The following RIPOR3 variants were observed in gnomAD, a reference collection of about 807,000 sequenced individuals.
RIPOR3 encodes family with sequence similarity 65 member C.
RIPOR3 carries 95 observed loss-of-function variants against 114.3 expected under a neutral mutation model. That is an observed-to-expected ratio of 0.83 (90% CI 0.70 to 0.99). RIPOR3 has a LOEUF of 0.99. Ranked by LOEUF, RIPOR3 falls within the 50% of genes least tolerant of loss-of-function variation. The pLI, the probability that RIPOR3 is intolerant of heterozygous loss-of-function variation, is 0.00. For missense variants in RIPOR3, 1,252 were observed against 1,266.9 expected, an observed-to-expected ratio of 0.99 and a Z score of 0.18; for synonymous variants, 575 against 543.8, an observed-to-expected ratio of 1.06 and a Z score of -0.80.
chr20:50,599,489 C>T (rs1014495498), intron 13 of RIPOR3, among the ~76,000 whole-genome samples: 2 of 152,178 alleles, frequency 1.3e-5, no homozygotes, highest in East Asian at 3.8e-4. Context: ...GCTCATCTAA[C>T]ACACATTTTC....
intron 1 of RIPOR3, among the ~76,000 whole-genome samples, chr20:50,647,670 G>T (rs2085458875): frequency 6.6e-6 from 1 of 151,314 alleles, no homozygotes; most frequent in South Asian, 2.1e-4. Context: ...TTTTAGTAGA[G>T]ACAGGGTTTC....
intron 1 of RIPOR3, among the ~76,000 whole-genome samples, chr20:50,660,716 T>C (rs1335863660): frequency 6.6e-6 from 1 of 151,430 alleles, no homozygotes; most frequent in Non-Finnish European, 1.5e-5. Flanking sequence ...AATCTTCCTT[T>C]AAATTAGTGT....
At chr20:50,666,793 T>C (rs770004771) in intron 1 of RIPOR3, among the ~76,000 whole-genome samples, 3 of 151,230 alleles carry the variant, frequency 2.0e-5, no homozygotes, top group Non-Finnish European at 4.4e-5. Context: ...ACTCCTGGCC[T>C]CAAGTGATCC....
rs548944540 is a variant in RIPOR3 at position 50,587,838 on chromosome 20, C to A, written c.2716G>T (p.Val906Leu). 7 of 1,614,178 alleles carry A rather than the reference C, an allele frequency of 4.3e-6. No homozygotes were observed. The highest frequency in any genetic ancestry group is 5.9e-6 in the Non-Finnish European group (7 of 1,180,038). Residue 906 changes from valine (V) to leucine (L), a missense_variant, in exon 21 of 22, where the codon GTG becomes TTG. Val to Leu is a conservative substitution (Grantham distance 32). Coordinates refer to ENST00000327979, the MANE Select transcript of RIPOR3 (RefSeq NM_001290268.2). Reference sequence around the variant, plus strand: ...GTGGTTTCCCGGGCTGCCGCCCGCACGGCCTCCAGGTCAGACTGGCACAGG... The same window carrying A: ...GTGGTTTCCCGGGCTGCCGCCCGCAAGGCCTCCAGGTCAGACTGGCACAGG... ...ASLCQSDLEAVRAAARETTLS... is the reference protein window; with the variant it reads ...ASLCQSDLEALRAAARETTLS...
intron 2 of RIPOR3, among the ~76,000 whole-genome samples, chr20:50,625,094 A>T (rs2084570426): frequency 6.6e-6 from 1 of 150,520 alleles, no homozygotes. Context: ...TAATTGAGAC[A>T]AGGTCTTGCT....
chr20:50,649,152 A>G (rs918991844), intron 1 of RIPOR3, among the ~76,000 whole-genome samples: 1 of 152,080 alleles, frequency 6.6e-6, no homozygotes, highest in African/African-American at 2.4e-5. Context: ...ATATGACGGT[A>G]TTGAATTAGA....
Position 50,691,269 on chromosome 20 carries a change from C to G in RIPOR3, c.-141G>C, listed in dbSNP as rs940480514. ...GCTAGGGCTCTGCAAATTCCATCCA[C>G]ACTGGCCACCAGCCGCTGGTCCCGC... is the stretch of plus-strand genomic sequence containing the variant. On this transcript the variant is annotated 5_prime_UTR_variant, in exon 1 of 22. Transcript: ENST00000327979. 3.7e-6 allele frequency: 4 copies of G among 1,073,032 alleles called. No homozygotes were observed. The African/African-American group carries it at 6.5e-5, about 17-fold the overall frequency. The allele number at this position is 1,073,032 out of a possible 1,614,324, so 66.5% of individuals were successfully genotyped here.
intron 1 of RIPOR3, among the ~76,000 whole-genome samples, chr20:50,643,395 C>G (rs2085276139): frequency 6.6e-6 from 1 of 151,176 alleles, no homozygotes; most frequent in Non-Finnish European, 1.5e-5. Context: ...CCTTGGCCTC[C>G]CAAAGTGTGG....
intron 1 of RIPOR3, 56 bp from the exon 2 acceptor site, chr20:50,630,912 C>T: frequency 7.1e-6 from 10 of 1,400,052 alleles, no homozygotes; most frequent in South Asian, 1.2e-5. Flanking sequence ...GAGTGCCGTC[C>T]GCAGGCCAGC....
intron 1 of RIPOR3, among the ~76,000 whole-genome samples, chr20:50,660,941 A>G (rs539682136): frequency 1.3e-5 from 2 of 151,912 alleles, no homozygotes; most frequent in African/African-American, 4.8e-5. Flanking sequence ...AATTAAAAAA[A>G]AAAAATTTTG....
At chr20:50,590,632 G>A (rs530127727) in intron 19 of RIPOR3, among the ~76,000 whole-genome samples, 7 of 152,300 alleles carry the variant, frequency 4.6e-5, no homozygotes, top group Admixed American at 2.0e-4. Flanking sequence ...TCTGGTGAAG[G>A]CTGTGAGGCC....
At chr20:50,688,837 G>C (rs2087112954) in intron 1 of RIPOR3, among the ~76,000 whole-genome samples, 1 of 152,122 alleles carries the variant, frequency 6.6e-6, no homozygotes, top group East Asian at 1.9e-4. Context: ...GTTCACAAAG[G>C]CACTCGAAAT....
rs377395560 is a variant in RIPOR3, at chr20:50,593,244, C to T, written c.2213-48G>A. ...CAGGAGAAACTGAGACCTCGACCCT[C>T]CACGCTTCTCAGCTGGGAGTAGCCT... On this transcript the variant is annotated intron_variant, in intron 17 of 21. Coordinates refer to ENST00000327979, the MANE Select transcript of RIPOR3 (RefSeq NM_001290268.2). The T allele has an allele frequency of 7.6e-5, 120 of 1,583,866 alleles. 1 individual carries two copies. Among genetic ancestry groups the T allele is most frequent in the East Asian group, 6.7e-4 (30 of 44,510 alleles).
intron 15 of RIPOR3, 123 bp downstream of exon 15, chr20:50,596,017 C>A: frequency 7.2e-7 from 1 of 1,393,204 alleles, no homozygotes; most frequent in Admixed American, 1.9e-5. Context: ...TTCAGTCTCA[C>A]GGGCTTCCAG....
rs1358936407 is a variant in RIPOR3, at chr20:50,630,773, G to A, written c.87C>T (p.Phe29=). ...AVGVVGRSAS[F]AGFSSAQSRR... ...GGCTCTGTGCACTGCTGAAGCCTGC[G>A]AAGGAGGCGCTCCGGCCCACGACCC... Residue 29 remains phenylalanine, a synonymous_variant, in exon 2 of 22, where the codon TTC becomes TTT. Transcript: ENST00000327979. 8.7e-6 allele frequency: 14 copies of A among 1,612,326 alleles called. No individual in the cohort carries two copies. Among genetic ancestry groups the A allele is most frequent in the African/African-American group, 1.3e-5 (1 of 74,892 alleles).
chr20:50,588,764 A>AG (rs1568809530), intron 20 of RIPOR3, among the ~76,000 whole-genome samples: 2 of 150,580 alleles, frequency 1.3e-5, no homozygotes, highest in African/African-American at 4.9e-5. Flanking sequence ...AAAAAAAAAA[A>AG]AAAAGAAAAA....
Position 50,609,724 on chromosome 20 carries a change from T to G in RIPOR3, c.427-2A>C, listed in dbSNP as rs897625706. 5.8e-6 allele frequency: 8 copies of G among 1,368,020 alleles called. No individual in the cohort carries two copies. The African/African-American group carries it at 1.2e-4, about 21-fold the overall frequency. 84.7% of individuals were successfully genotyped at this position (1,368,020 alleles called of 1,614,324 possible). A position where few individuals can be genotyped will look rare whatever the true frequency, so the allele number is the denominator to read the frequency against. The stretch of plus-strand genomic sequence containing the variant: ...GTAGTCCTCGTACAGCTCATCCACC[T>G]GTGGTGGGCACACGGGCTGGTGGCG... On this transcript the variant is annotated splice_acceptor_variant, in intron 6 of 21. Coordinates refer to ENST00000327979, the MANE Select transcript of RIPOR3 (RefSeq NM_001290268.2). LOFTEE classifies it high-confidence loss of function.
intron 1 of RIPOR3, among the ~76,000 whole-genome samples, chr20:50,632,943 G>A (rs899089826): frequency 6.6e-6 from 1 of 152,182 alleles, no homozygotes; most frequent in Admixed American, 6.5e-5. Context: ...CTCCTGTGCT[G>A]TGCTGAGCCA....
intron 15 of RIPOR3, 134 bp downstream of exon 15, chr20:50,596,006 C>T (rs1601454834): frequency 7.7e-7 from 1 of 1,302,058 alleles, no homozygotes; most frequent in East Asian, 2.4e-5. Context: ...TGGGGAATAG[C>T]TTCAGTCTCA....
Sources: gnomAD v4.1 joint callset for allele counts (sites outside exome capture counted in the v4.1 genomes callset) on GRCh38, gnomAD v4.1.1 for gene constraint, MANE v1.5 for transcripts, NCBI Gene and HGNC (gene_info 2026-07-23, HGNC 2026-07-21) for gene names.